Variants in EFHD2 observed in about 807,000 individuals in gnomAD.
EFHD2 encodes the protein EF-hand domain-containing protein D2.
In EFHD2, 12 loss-of-function variants were observed where a neutral mutation model predicts 20.3. The observed-to-expected ratio is 0.59, with a 90% CI of 0.38 to 0.96. EFHD2 has a LOEUF of 0.96. Ranked by LOEUF, EFHD2 falls within the 40% of genes least tolerant of loss-of-function variation. The pLI, the probability that EFHD2 is intolerant of heterozygous loss-of-function variation, is 0.00. For missense variants in EFHD2, 250 were observed against 334.3 expected (o/e 0.75, Z 1.97); for synonymous variants, 131 against 143.9 (o/e 0.91, Z 0.64).
At chr1:15,422,676 A>G (rs1038902693) in intron 1 of EFHD2, among the ~76,000 whole-genome samples, 3 of 151,958 alleles carry the variant, frequency 2.0e-5, no homozygotes, top group African/African-American at 7.2e-5. Context: ...CCTGGCTAAC[A>G]CGGTGAAACC....
intron 1 of EFHD2, among the ~76,000 whole-genome samples, chr1:15,412,157 G>A (rs945640746): frequency 1.3e-5 from 2 of 151,938 alleles, no homozygotes; most frequent in African/African-American, 4.8e-5. Context: ...TTTCTTCCCA[G>A]CAGAAGACTG....
At chr1:15,418,472 AT>A (rs1322206055) in intron 1 of EFHD2, among the ~76,000 whole-genome samples, 1 of 149,894 alleles carries the variant, frequency 6.7e-6, no homozygotes, top group Non-Finnish European at 1.5e-5. Flanking sequence ...CGCCCGGCTA[AT>A]TTTTTGTATT....
intron 1 of EFHD2, among the ~76,000 whole-genome samples, chr1:15,421,278 C>G (rs1427241842): frequency 6.6e-6 from 1 of 152,180 alleles, no homozygotes; most frequent in Non-Finnish European, 1.5e-5. Flanking sequence ...ACCCTGGAAC[C>G]TGGCTGATCC....
intron 1 of EFHD2, among the ~76,000 whole-genome samples, chr1:15,411,446 G>T (rs1707511911): frequency 6.6e-6 from 1 of 152,120 alleles, no homozygotes; most frequent in South Asian, 2.1e-4. Flanking sequence ...GCTCCCTCCG[G>T]CCCATCCCTG....
At position 15,429,564 on chromosome 1, in the gene EFHD2, C is replaced by CG. The variant is rs1376571374; in HGVS notation, c.*843dup. ...TCTCGGGGCTCTGGAGAGAGTGGGG[C>CG]GGGAGGAAGAATTGGCACCTTCCTA... On this transcript the variant is annotated 3_prime_UTR_variant, in exon 4 of 4. Transcript: ENST00000375980. 2 of 152,672 alleles carry CG rather than the reference C, an allele frequency of 1.3e-5. No homozygotes were observed. Among genetic ancestry groups the CG allele is most frequent in the African/African-American group, 2.4e-5 (1 of 41,454 alleles). 9.5% of individuals were successfully genotyped at this position (152,672 alleles called of 1,614,324 possible).
intron 1 of EFHD2, among the ~76,000 whole-genome samples, chr1:15,420,184 T>C (rs1414783876): frequency 2.0e-5 from 3 of 152,204 alleles, no homozygotes; most frequent in African/African-American, 7.2e-5. Flanking sequence ...CATCACCCTT[T>C]TTATATTGTA....
At position 15,428,697 on chromosome 1, in the gene EFHD2, C is replaced by T. The variant is rs773321007; in HGVS notation, c.696C>T (p.Phe232=). ...AEEMKQRKAA[F]KELQSTFK The stretch of plus-strand genomic sequence containing the variant: ...AGATGAAGCAGCGGAAAGCGGCCTT[C>T]AAGGAGCTGCAGTCCACCTTTAAGT... Residue 232 remains phenylalanine (F), a synonymous_variant, in exon 4 of 4, where the codon TTC becomes TTT. Transcript: ENST00000375980. 1 of 1,596,180 alleles carries T rather than the reference C, an allele frequency of 6.3e-7. No homozygotes were observed. The highest frequency in any genetic ancestry group is 1.1e-5 in the South Asian group (1 of 88,540).
chr1:15,422,085 ATTTTTTT>A (rs71000400), intron 1 of EFHD2, among the ~76,000 whole-genome samples: 53 of 86,636 alleles, frequency 6.1e-4, no homozygotes, highest in African/African-American at 2.3e-3. Flanking sequence ...AGGTCATTCC[ATTTTTTT>A]TTTTTTTTTT....
intron 1 of EFHD2, among the ~76,000 whole-genome samples, chr1:15,421,254 C>T (rs1395338943): frequency 2.0e-5 from 3 of 152,200 alleles, no homozygotes; most frequent in Admixed American, 1.3e-4. Flanking sequence ...TCAAGGCCAT[C>T]TTCAATCAGG....
intron 1 of EFHD2, among the ~76,000 whole-genome samples, chr1:15,418,471 A>G (rs2103274082): frequency 6.7e-6 from 1 of 150,194 alleles, no homozygotes; most frequent in South Asian, 2.1e-4. Context: ...ACGCCCGGCT[A>G]ATTTTTTGTA....
At chr1:15,427,409 T>C (rs1441651913) in intron 3 of EFHD2, 125 bp downstream of exon 3, 2 of 1,455,642 alleles carry the variant, frequency 1.4e-6, no homozygotes, top group South Asian at 1.4e-5. Flanking sequence ...GCTGACTCCC[T>C]GCCAGGCTGG....
In EFHD2 at chr1:15,419,186, A is replaced by G. The variant is rs920803075; in HGVS notation, c.309-6685A>G. Among the ~76,000 whole-genome samples, 38 of 152,302 alleles carry G rather than the reference A, an allele frequency of 2.5e-4. 2 individuals are homozygous for G. The highest frequency in any genetic ancestry group is 2.2e-3 in the Admixed American group (34 of 15,308). On this transcript the variant is annotated intron_variant, in intron 1 of 3. Coordinates refer to ENST00000375980, the MANE Select transcript of EFHD2 (RefSeq NM_024329.6). ...ACCAGCTGGGGACCATGCTCACCCC[A>G]AAGGGAAAGGGTCGTCCTTGGGGGG... is the stretch of plus-strand genomic sequence containing the variant.
Position 15,426,573 on chromosome 1 carries a change from C to T in EFHD2, c.456+555C>T, listed in dbSNP as rs1369035938. Reference sequence around the variant, plus strand: ...AAGCACAGGGTTAGGTGTGGGGACTCGAGGCCCAACTGGGGCCCAGGAGGT... The same window carrying T: ...AAGCACAGGGTTAGGTGTGGGGACTTGAGGCCCAACTGGGGCCCAGGAGGT... On this transcript the variant is annotated intron_variant, in intron 2 of 3. Transcript: ENST00000375980. The surrounding 1 kb of genome is among the most constrained non-coding windows in gnomAD (Gnocchi z 4.6). 6.6e-6 allele frequency among the ~76,000 whole-genome samples: 1 copy of T among 152,020 alleles called. No individual in the cohort carries two copies. Among genetic ancestry groups the T allele is most frequent in the East Asian group, 1.9e-4 (1 of 5,184 alleles).
rs1707732713 is a variant in EFHD2 at position 15,418,666 on chromosome 1, T to C, written c.309-7205T>C. ...CCCCTTAAGTAAGCAATGAGCTTCCTGTCCTCAGAGGTATTCAAGGCACTA... is the reference window on the plus strand; with the variant it reads ...CCCCTTAAGTAAGCAATGAGCTTCCCGTCCTCAGAGGTATTCAAGGCACTA... On this transcript the variant is annotated intron_variant, in intron 1 of 3. Coordinates refer to ENST00000375980, the MANE Select transcript of EFHD2 (RefSeq NM_024329.6). 2.6e-5 allele frequency among the ~76,000 whole-genome samples: 4 copies of C among 152,310 alleles called. No homozygotes were observed. The South Asian group carries it at 8.3e-4, about 32-fold the overall frequency.
At chr1:15,421,294 A>C (rs886782650) in intron 1 of EFHD2, among the ~76,000 whole-genome samples, 1 of 152,158 alleles carries the variant, frequency 6.6e-6, no homozygotes, top group South Asian at 2.1e-4. Context: ...GATCCCCTGC[A>C]CTAGACCACA....
chr1:15,411,879 T>G (rs1419642104), intron 1 of EFHD2, among the ~76,000 whole-genome samples: 1 of 152,136 alleles, frequency 6.6e-6, no homozygotes, highest in Non-Finnish European at 1.5e-5. Context: ...AACTGCACTG[T>G]TTGAGAAAGG....
At chr1:15,422,853 T>G (rs1707817243) in intron 1 of EFHD2, among the ~76,000 whole-genome samples, 1 of 151,996 alleles carries the variant, frequency 6.6e-6, no homozygotes, top group Non-Finnish European at 1.5e-5. Flanking sequence ...AGAGCGAGAC[T>G]CCGTCTCAAA....
chr1:15,426,218 C>T lies in EFHD2; in HGVS notation c.456+200C>T, dbSNP rs1325827057. 6.6e-6 allele frequency among the ~76,000 whole-genome samples: 1 copy of T among 152,168 alleles called. No homozygotes were observed. Among genetic ancestry groups the T allele is most frequent in the Non-Finnish European group, 1.5e-5 (1 of 68,028 alleles). Reference sequence around the variant, plus strand: ...GCACCAGGGAGGGTTCTGAGATCCTCTCGGGGAGGAAGAGGAGGGAGGGAC... The same window carrying T: ...GCACCAGGGAGGGTTCTGAGATCCTTTCGGGGAGGAAGAGGAGGGAGGGAC... On this transcript the variant is annotated intron_variant, in intron 2 of 3. Transcript: ENST00000375980. This position sits in a 1 kb window ranked among gnomAD's most constrained non-coding sequence, Gnocchi z 4.6.
At position 15,427,002 on chromosome 1, in the gene EFHD2, G is replaced by T. The variant is rs967326370; in HGVS notation, c.457-148G>T. The T allele has an allele frequency of 1.2e-5, 13 of 1,077,824 alleles. No homozygotes were observed. The East Asian group carries it at 3.1e-4, about 26-fold the overall frequency. 66.8% of individuals were successfully genotyped at this position (1,077,824 alleles called of 1,614,324 possible). A position where few individuals can be genotyped will look rare whatever the true frequency, so the allele number is the denominator to read the frequency against. On this transcript the variant is annotated intron_variant, in intron 2 of 3. Transcript: ENST00000375980. The stretch of plus-strand genomic sequence containing the variant: ...GCAGAGGCCCAGTGAAGGGGCTCAC[G>T]GGAGCAGCAAGGGGCGAGACCCAGC...
Sources: gnomAD v4.1 joint callset for allele counts (sites outside exome capture counted in the v4.1 genomes callset) on GRCh38, gnomAD v4.1.1 for gene constraint, Gnocchi (gnomAD v3.1) non-coding constraint, MANE v1.5 for transcripts, NCBI Gene and HGNC (gene_info 2026-07-23, HGNC 2026-07-21) for gene names.